Variants in PCDH7 observed in about 807,000 individuals in gnomAD.
PCDH7 encodes the protein protocadherin 7.
In PCDH7, 17 loss-of-function variants were observed where a neutral mutation model predicts 58.9. The observed-to-expected ratio is 0.29, with a 90% CI of 0.20 to 0.43. PCDH7 has a LOEUF of 0.43. Ranked by LOEUF, PCDH7 falls within the 20% of genes least tolerant of loss-of-function variation. The pLI is 1.00. For missense variants in PCDH7, 1,274 were observed against 1,441.0 expected, an observed-to-expected ratio of 0.88 and a Z score of 1.88; for synonymous variants, 664 against 616.4, an observed-to-expected ratio of 1.08 and a Z score of -1.14.
intron 1 of PCDH7, among the ~76,000 whole-genome samples, chr4:30,881,302 C>A (rs1736937912): frequency 6.6e-6 from 1 of 151,880 alleles, no homozygotes; most frequent in Non-Finnish European, 1.5e-5. Flanking sequence ...GCTGAGATTG[C>A]ATCGCTGTAC....
At chr4:30,997,704 A>G (rs140944331) in intron 3 of PCDH7, among the ~76,000 whole-genome samples, 3 of 152,170 alleles carry the variant, frequency 2.0e-5, no homozygotes, top group Non-Finnish European at 4.4e-5. Flanking sequence ...TCTTTAGTAC[A>G]GTTTGGCATT....
intron 3 of PCDH7, among the ~76,000 whole-genome samples, chr4:31,116,700 A>G (rs1402623369): frequency 6.6e-6 from 1 of 152,220 alleles, no homozygotes; most frequent in Non-Finnish European, 1.5e-5. Flanking sequence ...AGAAAGAATT[A>G]ATACAACTGT....
intron 1 of PCDH7, chr4:30,783,299 A>G (rs1723019753): frequency 6.6e-6 from 1 of 152,110 alleles, no homozygotes; most frequent in Non-Finnish European, 1.5e-5. Context: ...ATTAACATCA[A>G]CTTCCTGTTG....
chr4:30,734,021 A>T (rs1715891435), downstream of PCDH7, among the ~76,000 whole-genome samples: 1 of 152,078 alleles, frequency 6.6e-6, no homozygotes, highest in Non-Finnish European at 1.5e-5. Context: ...AACCCTCAAG[A>T]ATTAGGCAAA....
At chr4:31,143,486 T>C (rs1281763940), downstream of PCDH7, 2 of 152,202 alleles carry the variant, frequency 1.3e-5, no homozygotes, top group Non-Finnish European at 2.9e-5. Flanking sequence ...CAGTGGGTGA[T>C]TGCAGTCCTA....
chr4:31,017,582 T>C (rs942481883), intron 3 of PCDH7, among the ~76,000 whole-genome samples: 2 of 152,066 alleles, frequency 1.3e-5, no homozygotes, highest in African/African-American at 2.4e-5. Flanking sequence ...CACACACACA[T>C]ATATATATGC....
intron 1 of PCDH7, among the ~76,000 whole-genome samples, chr4:30,907,709 G>A (rs1301204427): frequency 3.3e-5 from 5 of 152,084 alleles, no homozygotes; most frequent in African/African-American, 1.2e-4. Context: ...TCAAGGATCT[G>A]GAACTAGAAT....
chr4:30,805,696 C>G (rs1726109062), intron 1 of PCDH7, among the ~76,000 whole-genome samples: 1 of 152,044 alleles, frequency 6.6e-6, no homozygotes, highest in African/African-American at 2.4e-5. Flanking sequence ...ATTTTTTGTT[C>G]TTTTCCCTCT....
chr4:31,055,382 A>G (rs2109227372), intron 3 of PCDH7, among the ~76,000 whole-genome samples: 1 of 152,234 alleles, frequency 6.6e-6, no homozygotes, highest in Middle Eastern at 3.4e-3. Context: ...AGGCAGTAGT[A>G]TAGTAGCTGT....
At chr4:30,974,953 G>A (rs903530919) in intron 3 of PCDH7, among the ~76,000 whole-genome samples, 10 of 152,120 alleles carry the variant, frequency 6.6e-5, no homozygotes, top group African/African-American at 2.2e-4. Context: ...AGTTAGGCAC[G>A]TAGGGTTACA....
intron 3 of PCDH7, among the ~76,000 whole-genome samples, chr4:31,097,302 C>T (rs1053769286): frequency 6.6e-6 from 1 of 151,266 alleles, no homozygotes; most frequent in African/African-American, 2.4e-5. Flanking sequence ...AGTAAAAATA[C>T]AAAAATTAGC....
At chr4:30,870,244 C>G (rs556319775) in intron 1 of PCDH7, among the ~76,000 whole-genome samples, 3 of 152,160 alleles carry the variant, frequency 2.0e-5, no homozygotes, top group African/African-American at 7.2e-5. Context: ...TGCCTGTTCA[C>G]TCTGATGGTA....
chr4:30,723,207 C>T lies in PCDH7; in HGVS notation c.1785C>T (p.Thr595=), dbSNP rs1193393851. 2 of 1,614,012 alleles carry T rather than the reference C, an allele frequency of 1.2e-6. No homozygotes were observed. Among genetic ancestry groups the T allele is most frequent in the Admixed American group, 3.3e-5 (2 of 60,000 alleles). ...ATTCTGGGGACATCCTGGTCAATAC[C>T]GTGCTGGACCGCGAGCAGACTGACA... The change falls in exon 1 of 2, where the codon ACC becomes ACT. Residue 595 remains threonine (T), a synonymous_variant. Transcript: ENST00000361762. This position sits in a 1 kb window ranked among gnomAD's most constrained non-coding sequence, Gnocchi z 4.6.
chr4:31,017,733 A>G (rs750200558), intron 3 of PCDH7, among the ~76,000 whole-genome samples: 2 of 150,602 alleles, frequency 1.3e-5, no homozygotes, highest in Non-Finnish European at 3.0e-5. Flanking sequence ...AATAAAATAA[A>G]ATTAATACTT....
chr4:30,834,436 G>A (rs755483520), intron 1 of PCDH7, among the ~76,000 whole-genome samples: 10 of 152,094 alleles, frequency 6.6e-5, no homozygotes, highest in Admixed American at 2.0e-4. Flanking sequence ...ACTTGCCAAC[G>A]TCACACGGCT....
chr4:30,876,373 T>A (rs767181224), intron 1 of PCDH7, among the ~76,000 whole-genome samples: 14 of 152,112 alleles, frequency 9.2e-5, no homozygotes, highest in Non-Finnish European at 1.9e-4. Flanking sequence ...TGATATTACA[T>A]TTTTATACTT....
At chr4:30,908,806 G>A (rs1040908054) in intron 1 of PCDH7, among the ~76,000 whole-genome samples, 1 of 152,114 alleles carries the variant, frequency 6.6e-6, no homozygotes. Context: ...AATAGAAAAA[G>A]AGGGCCTCCT....
At chr4:30,811,918 G>T (rs1727076254) in intron 1 of PCDH7, among the ~76,000 whole-genome samples, 1 of 152,154 alleles carries the variant, frequency 6.6e-6, no homozygotes, top group South Asian at 2.1e-4. Flanking sequence ...TTTTTAGCCA[G>T]AAAGGTTAAC....
intron 3 of PCDH7, among the ~76,000 whole-genome samples, chr4:31,106,025 T>A (rs543161716): frequency 0.016 from 2,328 of 149,020 alleles, 29 homozygotes; most frequent in Non-Finnish European, 0.021. Context: ...AAAAAAAAAA[T>A]ATATATATAT....
Sources: allele counts gnomAD v4.1 joint callset (sites outside exome capture counted in the v4.1 genomes callset), GRCh38; gene constraint gnomAD v4.1.1; non-coding constraint Gnocchi (gnomAD v3.1); transcripts MANE v1.5; gene names NCBI Gene and HGNC (gene_info 2026-07-23, HGNC 2026-07-21).